The following GLIS3 variants were observed in gnomAD, a reference collection of about 807,000 sequenced individuals.
The protein encoded by GLIS3 is zinc finger protein GLIS3.
A neutral mutation model predicts 78.6 loss-of-function variants in GLIS3; 53 were observed. That is an observed-to-expected ratio of 0.67 (90% CI 0.54 to 0.85). The LOEUF is 0.85. GLIS3 is among the 40% of genes least tolerant of loss of function. The pLI is 0.00. For synonymous variants in GLIS3, 684 were observed against 509.9 expected (o/e 1.34, Z -4.60); for missense variants, 1,703 against 1,231.1 (o/e 1.38, Z -5.74).
At chr9:3,990,461 G>A (rs1820136096) in intron 4 of GLIS3, among the ~76,000 whole-genome samples, 3 of 152,296 alleles carry the variant, frequency 2.0e-5, no homozygotes, top group South Asian at 2.1e-4. Flanking sequence ...CAGTAGCATT[G>A]ATCAGTGAAT....
At chr9:4,100,797 T>C (rs192213228) in intron 4 of GLIS3, among the ~76,000 whole-genome samples, 1 of 152,344 alleles carries the variant, frequency 6.6e-6, no homozygotes, top group Admixed American at 6.5e-5. Flanking sequence ...TACTCATCTA[T>C]GTTATCCCTC....
At chr9:4,400,897 C>T in the GLIS3 span, among the ~76,000 whole-genome samples, 1 of 152,360 alleles carries the variant, frequency 6.6e-6, no homozygotes, top group South Asian at 2.1e-4. Context: ...CCCTTGGTCC[C>T]TGAATAACCA....
In GLIS3 at chr9:3,824,526, C is replaced by A. The variant is rs189297823; in HGVS notation, c.*3746G>T. ...CCAAGTGCACAATCCCTTCATTTTA[C>A]TTTTGACATAAAAAAAGGACTTCAT... is the stretch of plus-strand genomic sequence containing the variant. On this transcript the variant is annotated 3_prime_UTR_variant, in exon 11 of 11. Coordinates refer to ENST00000381971, the MANE Select transcript of GLIS3 (RefSeq NM_001042413.2). 6.6e-6 allele frequency: 1 copy of A among 152,310 alleles called. No individual in the cohort carries two copies. Among genetic ancestry groups the A allele is most frequent in the East Asian group, 1.9e-4 (1 of 5,178 alleles). 9.4% of individuals were successfully genotyped at this position (152,310 alleles called of 1,614,324 possible).
At chr9:4,257,140 C>T (rs188432459) in intron 2 of GLIS3, among the ~76,000 whole-genome samples, 2 of 152,204 alleles carry the variant, frequency 1.3e-5, no homozygotes, top group Non-Finnish European at 2.9e-5. Context: ...TTGATGTGTA[C>T]ATATGGAGTA....
the GLIS3 span, among the ~76,000 whole-genome samples, chr9:4,451,835 C>G: frequency 6.6e-6 from 1 of 151,820 alleles, no homozygotes; most frequent in East Asian, 1.9e-4. Flanking sequence ...ATCTCTGGGA[C>G]ACATTTAAAA....
At chr9:4,103,818 C>T (rs112569804) in intron 4 of GLIS3, among the ~76,000 whole-genome samples, 5 of 152,138 alleles carry the variant, frequency 3.3e-5, no homozygotes, top group African/African-American at 1.2e-4. Flanking sequence ...GAAGCATAAA[C>T]ACAAGTATAT....
chr9:4,101,792 G>C (rs772919404), intron 4 of GLIS3, among the ~76,000 whole-genome samples: 2 of 152,128 alleles, frequency 1.3e-5, no homozygotes, highest in Non-Finnish European at 2.9e-5. Context: ...ATGATGGAAA[G>C]ATAACTCTTT....
rs369088290 is a variant in GLIS3, at chr9:4,118,061, G to T, written c.1417C>A (p.Leu473Ile). Reference protein sequence around the residue: ...HAHAHLHHPELGPHAQQLALP... With the variant: ...HAHAHLHHPEIGPHAQQLALP... ...GCCAGCTGCTGGGCGTGGGGCCCGA[G>T]CTCCGGGTGGTGAAGGTGCGCATGG... Residue 473 changes from leucine (L) to isoleucine (I), a missense_variant, in exon 4 of 11, where the codon CTC (leucine) becomes ATC (isoleucine). Coordinates refer to ENST00000381971, the MANE Select transcript of GLIS3 (RefSeq NM_001042413.2). The surrounding 1 kb of genome is among the most constrained non-coding windows in gnomAD (Gnocchi z 4.7). The T allele has an allele frequency of 6.3e-7, 1 of 1,580,886 alleles. No homozygotes were observed.
chr9:4,330,491 G>C (rs143428565), intron 2 of GLIS3, among the ~76,000 whole-genome samples: 1 of 152,246 alleles, frequency 6.6e-6, no homozygotes, highest in East Asian at 1.9e-4. Flanking sequence ...GTCAGTCAAA[G>C]ATCCCAGAGA....
At chr9:4,363,256 C>T in the GLIS3 span, among the ~76,000 whole-genome samples, 1 of 152,134 alleles carries the variant, frequency 6.6e-6, no homozygotes, top group Non-Finnish European at 1.5e-5. Context: ...AACCCCGTCT[C>T]TACTAAAAAT....
intron 4 of GLIS3, among the ~76,000 whole-genome samples, chr9:3,967,709 C>G (rs983742171): frequency 3.9e-5 from 6 of 152,012 alleles, no homozygotes; most frequent in African/African-American, 9.7e-5. Flanking sequence ...GGAGAGATAT[C>G]CATATTATGA....
intron 4 of GLIS3, among the ~76,000 whole-genome samples, chr9:3,976,658 A>G (rs1446149443): frequency 1.3e-5 from 2 of 151,728 alleles, no homozygotes; most frequent in Non-Finnish European, 2.9e-5. Flanking sequence ...TAACATCACC[A>G]TAAGGCTGCA....
chr9:4,236,329 G>C (rs1049087453), intron 2 of GLIS3, among the ~76,000 whole-genome samples: 1 of 152,058 alleles, frequency 6.6e-6, no homozygotes. Flanking sequence ...ACATCAGTAC[G>C]TCTCCTTCAC....
At chr9:3,879,631 C>T in intron 7 of GLIS3, 36 bp from the exon 8 acceptor site, 1 of 1,610,702 alleles carries the variant, frequency 6.2e-7, no homozygotes, top group Non-Finnish European at 8.5e-7. Context: ...AGACCGTGCC[C>T]CAAAGGAAGC....
chr9:4,119,395 AG>A lies in GLIS3; in HGVS notation c.597-515del, dbSNP rs751226612. 9.6e-4 allele frequency among the ~76,000 whole-genome samples: 146 copies of A among 152,340 alleles called. 1 individual carries two copies. The highest frequency in any genetic ancestry group is 3.4e-3 in the Middle Eastern group (1 of 294). On this transcript the variant is annotated intron_variant, in intron 3 of 10. Coordinates refer to ENST00000381971, the MANE Select transcript of GLIS3 (RefSeq NM_001042413.2). The stretch of plus-strand genomic sequence containing the variant: ...AAAAAAAGTAAATCCTCAAAGTCAA[AG>A]GGTTGTCCAGGGGACTTAATAATTT...
chr9:4,325,714 G>C (rs897155348), intron 2 of GLIS3, among the ~76,000 whole-genome samples: 5 of 151,874 alleles, frequency 3.3e-5, no homozygotes, highest in African/African-American at 1.2e-4. Context: ...AAATATGTTT[G>C]TTTTTATTTT....
intron 2 of GLIS3, among the ~76,000 whole-genome samples, chr9:4,176,468 T>C (rs1393906946): frequency 6.6e-6 from 1 of 152,220 alleles, no homozygotes; most frequent in Non-Finnish European, 1.5e-5. Flanking sequence ...TGAAAACTAT[T>C]TGTAGACTTA....
intron 2 of GLIS3, among the ~76,000 whole-genome samples, chr9:4,175,947 G>A (rs1816781270): frequency 2.0e-5 from 3 of 152,182 alleles, no homozygotes; most frequent in Non-Finnish European, 2.9e-5. Context: ...AGCCAGAATT[G>A]AAATCCAGGG....
chr9:4,092,278 A>G (rs7870058), intron 4 of GLIS3, among the ~76,000 whole-genome samples: 3,992 of 151,724 alleles, frequency 0.026, 188 homozygotes, highest in African/African-American at 0.093. Flanking sequence ...CAGCCTCCCG[A>G]GTAGCTGGGA....
Sources: allele counts gnomAD v4.1 joint callset (sites outside exome capture counted in the v4.1 genomes callset), GRCh38; gene constraint gnomAD v4.1.1; non-coding constraint Gnocchi (gnomAD v3.1); transcripts MANE v1.5; gene names NCBI Gene and HGNC (gene_info 2026-07-23, HGNC 2026-07-21).